TCF7L1: variants seen among roughly 807,000 people sequenced by gnomAD.
TCF7L1 encodes transcription factor 7-like 1.
Under a neutral mutation model 63.7 loss-of-function variants are expected in TCF7L1, and 18 were observed. The observed-to-expected ratio is 0.28, with a 90% CI of 0.20 to 0.42. TCF7L1 has a LOEUF of 0.42. Among genes scored for constraint, TCF7L1 ranks in the 10% least tolerant of loss-of-function variants. TCF7L1 has a pLI of 1.00. For missense variants in TCF7L1, 654 were observed against 779.3 expected, an observed-to-expected ratio of 0.84 and a Z score of 1.91; for synonymous variants, 355 against 340.9, an observed-to-expected ratio of 1.04 and a Z score of -0.46.
intron 3 of TCF7L1, among the ~76,000 whole-genome samples, chr2:85,191,552 G>A (rs1679037942): frequency 6.6e-6 from 1 of 152,174 alleles, no homozygotes; most frequent in Non-Finnish European, 1.5e-5. Flanking sequence ...GATTTCCTTG[G>A]CACGTGACTC....
At chr2:85,261,076 A>C (rs752107269) in intron 3 of TCF7L1, among the ~76,000 whole-genome samples, 1 of 151,672 alleles carries the variant, frequency 6.6e-6, no homozygotes, top group Non-Finnish European at 1.5e-5. Flanking sequence ...GAATTTGCAC[A>C]TATACTCAAG....
At chr2:85,304,069 C>T in intron 6 of TCF7L1, 72 bp downstream of exon 6, 2 of 1,325,144 alleles carry the variant, frequency 1.5e-6, no homozygotes, top group South Asian at 2.5e-5. Flanking sequence ...CCCTGCGCGC[C>T]CTGCACAGTG....
intron 3 of TCF7L1, among the ~76,000 whole-genome samples, chr2:85,227,023 C>T (rs1290941249): frequency 6.6e-6 from 1 of 152,112 alleles, no homozygotes; most frequent in Non-Finnish European, 1.5e-5. Flanking sequence ...GGGACTCACT[C>T]AGAGAGGCTT....
intron 3 of TCF7L1, among the ~76,000 whole-genome samples, chr2:85,140,917 A>AGAG (rs1677721866): frequency 1.8e-5 from 2 of 109,558 alleles, no homozygotes; most frequent in Admixed American, 9.1e-5. Flanking sequence ...GAGAGACAGA[A>AGAG]GAGAGAAAGA....
rs1682228832 is a variant in TCF7L1, at chr2:85,309,659, A to C, written c.*197A>C. 2 of 486,546 alleles carry C rather than the reference A, an allele frequency of 4.1e-6. No homozygotes were observed. Among genetic ancestry groups the C allele is most frequent in the Non-Finnish European group, 6.9e-6 (2 of 290,464 alleles). The allele number at this position is 486,546 out of a possible 1,614,324, so 30.1% of individuals were successfully genotyped here. A position where few individuals can be genotyped will look rare whatever the true frequency, so the allele number is the denominator to read the frequency against. On this transcript the variant is annotated 3_prime_UTR_variant, in exon 12 of 12. Transcript: ENST00000282111. The stretch of plus-strand genomic sequence containing the variant: ...AAGGCTTTTTTAAAAAACAAAACAA[A>C]ACAACAAAAAAAAATCTTTATAAGA...
intron 3 of TCF7L1, among the ~76,000 whole-genome samples, chr2:85,163,944 A>G (rs1678349237): frequency 6.6e-6 from 1 of 152,052 alleles, no homozygotes; most frequent in Non-Finnish European, 1.5e-5. Flanking sequence ...CATAGTACAC[A>G]TACATAGTAC....
chr2:85,248,458 C>T (rs1680518799), intron 3 of TCF7L1, among the ~76,000 whole-genome samples: 1 of 152,176 alleles, frequency 6.6e-6, no homozygotes, highest in Non-Finnish European at 1.5e-5. Context: ...ATAAATACAA[C>T]CCAGTCTCCA....
At chr2:85,225,918 A>C (rs1679945173) in intron 3 of TCF7L1, among the ~76,000 whole-genome samples, 1 of 152,238 alleles carries the variant, frequency 6.6e-6, no homozygotes, top group African/African-American at 2.4e-5. Flanking sequence ...TGGGTTTGTC[A>C]TAAATAGCTC....
chr2:85,205,691 AT>A (rs1280460257), intron 3 of TCF7L1, among the ~76,000 whole-genome samples: 1 of 150,464 alleles, frequency 6.6e-6, no homozygotes, highest in African/African-American at 2.4e-5. Context: ...TAATTTTTGT[AT>A]TTTTTTTTAG....
intron 3 of TCF7L1, among the ~76,000 whole-genome samples, chr2:85,191,686 G>A (rs1679040326): frequency 6.6e-6 from 1 of 152,056 alleles, no homozygotes; most frequent in South Asian, 2.1e-4. Context: ...TTAGGTGGGT[G>A]TGGTGGCAGG....
chr2:85,154,201 G>A (rs1350376843), intron 3 of TCF7L1, among the ~76,000 whole-genome samples: 3 of 152,186 alleles, frequency 2.0e-5, no homozygotes, highest in African/African-American at 7.2e-5. Flanking sequence ...CGTTTTATAG[G>A]CCTGTGCCAA....
intron 3 of TCF7L1, among the ~76,000 whole-genome samples, chr2:85,229,975 C>G (rs1680041416): frequency 6.6e-6 from 1 of 152,182 alleles, no homozygotes; most frequent in South Asian, 2.1e-4. Context: ...GCCAGTAACA[C>G]TCCAGCCTGG....
intron 3 of TCF7L1, among the ~76,000 whole-genome samples, chr2:85,236,276 A>G (rs986857937): frequency 1.3e-5 from 2 of 152,206 alleles, no homozygotes; most frequent in East Asian, 3.9e-4. Context: ...TTCAGACCCT[A>G]TGGCACTCTG....
chr2:85,193,534 ATAAG>A (rs1558629885), intron 3 of TCF7L1, among the ~76,000 whole-genome samples: 1 of 152,190 alleles, frequency 6.6e-6, no homozygotes, highest in East Asian at 1.9e-4. Context: ...TTAAAAATAA[ATAAG>A]TAAATAAATA....
rs1291162118 is a variant in TCF7L1, at chr2:85,303,883, C to T, written c.659-12C>T. 3 of 1,598,528 alleles carry T rather than the reference C, an allele frequency of 1.9e-6. No homozygotes were observed. Among genetic ancestry groups the T allele is most frequent in the Middle Eastern group, 1.7e-4 (1 of 6,008 alleles). On this transcript the variant is annotated splice_polypyrimidine_tract_variant and intron_variant, in intron 5 of 11. Coordinates refer to ENST00000282111, the MANE Select transcript of TCF7L1 (RefSeq NM_031283.3). ...CGAGGGAACAGTCTGACATATCTCTCTTTGGAAGCAGGAATCCCCCGGCCC... is the reference window on the plus strand; with the variant it reads ...CGAGGGAACAGTCTGACATATCTCTTTTTGGAAGCAGGAATCCCCCGGCCC...
rs757079525 is a variant in TCF7L1, at chr2:85,133,967, C to T, written c.249+34C>T. 2.5e-6 allele frequency: 4 copies of T among 1,582,764 alleles called. No individual in the cohort carries two copies. The highest frequency in any genetic ancestry group is 2.3e-5 in the South Asian group (2 of 87,330). ...GCACCGCGGCCACCCCCGGGGGATC[C>T]CGGCCCTGCGTCCGCTCACCCGCTC... is the stretch of plus-strand genomic sequence containing the variant. On this transcript the variant is annotated intron_variant, in intron 1 of 11. Transcript: ENST00000282111. This position sits in a 1 kb window ranked among gnomAD's most constrained non-coding sequence, Gnocchi z 4.4.
At position 85,309,266 on chromosome 2, in the gene TCF7L1, C is replaced by T. The variant is rs746848099; in HGVS notation, c.1571C>T (p.Ser524Leu). ...QLALHSAAFL[S>L]AKAAASSSGQ... Reference sequence around the variant, plus strand: ...GCTCTCCACTCTGCCGCCTTCCTGTCGGCTAAGGCTGCAGCCTCCTCCTCT... The same window carrying T: ...GCTCTCCACTCTGCCGCCTTCCTGTTGGCTAAGGCTGCAGCCTCCTCCTCT... The change falls in exon 12 of 12, where the codon TCG becomes TTG. Residue 524 changes from serine to leucine, a missense_variant. Ser to Leu is a moderately radical substitution (Grantham distance 145, BLOSUM62 -2). Transcript: ENST00000282111. 4 of 1,613,852 alleles carry T rather than the reference C, an allele frequency of 2.5e-6. No homozygotes were observed. Among genetic ancestry groups the T allele is most frequent in the Non-Finnish European group, 3.4e-6 (4 of 1,179,990 alleles).
rs968034034 is a variant in TCF7L1, at chr2:85,306,756, C to T, written c.1257+197C>T. On this transcript the variant is annotated intron_variant, in intron 10 of 11. Transcript: ENST00000282111. The surrounding 1 kb of genome is among the most constrained non-coding windows in gnomAD (Gnocchi z 4.3). Reference sequence around the variant, plus strand: ...CTCGGCTCACTGCAAGCTCCGCCTCCCCGGTTCACACCATTCTCCTGTCTC... The same window carrying T: ...CTCGGCTCACTGCAAGCTCCGCCTCTCCGGTTCACACCATTCTCCTGTCTC... Among the ~76,000 whole-genome samples, 2 of 152,194 alleles carry T rather than the reference C, an allele frequency of 1.3e-5. No individual in the cohort carries two copies. The highest frequency in any genetic ancestry group is 2.9e-5 in the Non-Finnish European group (2 of 68,040).
intron 3 of TCF7L1, among the ~76,000 whole-genome samples, chr2:85,219,134 CAG>C (rs1679781192): frequency 6.6e-6 from 1 of 152,182 alleles, no homozygotes; most frequent in Admixed American, 6.5e-5. Context: ...GCTTGGGCAA[CAG>C]AGTGAAACCC....
Sources: gnomAD v4.1 joint callset for allele counts (sites outside exome capture counted in the v4.1 genomes callset) on GRCh38, gnomAD v4.1.1 for gene constraint, Gnocchi (gnomAD v3.1) non-coding constraint, MANE v1.5 for transcripts, NCBI Gene and HGNC (gene_info 2026-07-23, HGNC 2026-07-21) for gene names.